Variants in MORN3 observed in about 807,000 individuals in gnomAD.
MORN3 encodes the protein MORN repeat containing 3.
In MORN3, 38 loss-of-function variants were observed where a neutral mutation model predicts 34.7. That is an observed-to-expected ratio of 1.10 (90% CI 0.85 to 1.44). MORN3 has a LOEUF of 1.44. Among genes scored for constraint, MORN3 ranks in the 40% most tolerant of loss-of-function variants. The pLI is 0.00. For missense variants in MORN3, 311 were observed against 321.7 expected (o/e 0.97, Z 0.25); for synonymous variants, 109 against 115.3 (o/e 0.95, Z 0.35).
At chr12:121,660,222 C>A (rs1893536970) in intron 1 of MORN3, among the ~76,000 whole-genome samples, 1 of 151,260 alleles carries the variant, frequency 6.6e-6, no homozygotes, top group Non-Finnish European at 1.5e-5. Context: ...GACGTCATTG[C>A]ACTCCAGCCT....
At chr12:121,655,425 C>G (rs1452026102) in intron 2 of MORN3, among the ~76,000 whole-genome samples, 3 of 151,886 alleles carry the variant, frequency 2.0e-5, no homozygotes, top group African/African-American at 7.3e-5. Flanking sequence ...AAACACCATA[C>G]TTAGCCTGGC....
rs1555325081 is a variant in MORN3, at chr12:121,651,520, T to C, written c.*131A>G. The stretch of plus-strand genomic sequence containing the variant: ...AGAAATGACCCAGTGCTGGGGGTAG[T>C]GAGGGGCCCTATGAGGGTGCCGGGG... On this transcript the variant is annotated 3_prime_UTR_variant, in exon 6 of 6. Transcript: ENST00000355329. 1.3e-5 allele frequency: 2 copies of C among 152,268 alleles called. No homozygotes were observed. Among genetic ancestry groups the C allele is most frequent in the African/African-American group, 4.8e-5 (2 of 41,372 alleles). 9.4% of individuals were successfully genotyped at this position (152,268 alleles called of 1,614,324 possible).
At position 121,649,654 on chromosome 12, in the gene MORN3, G is replaced by GA; in HGVS notation, c.*1996_*1997insT. ...ATTGAGGCTTTACTATGTGCTATGTGCCTCTTGCTGAGGTCTTAGCTAGAA... is the reference window on the plus strand; with the variant it reads ...ATTGAGGCTTTACTATGTGCTATGTGACCTCTTGCTGAGGTCTTAGCTAGAA... On this transcript the variant is annotated 3_prime_UTR_variant, in exon 6 of 6. Transcript: ENST00000355329. The GA allele has an allele frequency of 6.6e-6, 1 of 151,710 alleles. No individual in the cohort carries two copies. The highest frequency in any genetic ancestry group is 1.9e-4 in the East Asian group (1 of 5,168). The allele number at this position is 151,710 out of a possible 1,614,324, so 9.4% of individuals were successfully genotyped here. A position where few individuals can be genotyped will look rare whatever the true frequency, so the allele number is the denominator to read the frequency against.
intron 1 of MORN3, among the ~76,000 whole-genome samples, chr12:121,663,699 G>A (rs555519200): frequency 2.0e-5 from 3 of 152,194 alleles, no homozygotes; most frequent in East Asian, 1.9e-4. Flanking sequence ...TATGTGTACA[G>A]CACTTAGAGC....
intron 2 of MORN3, among the ~76,000 whole-genome samples, chr12:121,658,427 G>C (rs555257822): frequency 6.6e-6 from 1 of 152,004 alleles, no homozygotes; most frequent in African/African-American, 2.4e-5. Flanking sequence ...TTAGCCGGGC[G>C]TGGTGGCGGG....
intron 2 of MORN3, among the ~76,000 whole-genome samples, chr12:121,658,614 A>G (rs1893484200): frequency 2.6e-5 from 4 of 151,468 alleles, no homozygotes; most frequent in Admixed American, 2.6e-4. Context: ...TCAGGCTCAC[A>G]GTAGCAGTTG....
chr12:121,659,161 A>ACACACACC (rs1566482119), intron 2 of MORN3, 30 bp downstream of exon 2: 2 of 1,605,074 alleles, frequency 1.2e-6, no homozygotes, highest in Non-Finnish European at 1.7e-6. Context: ...ACACACACAC[A>ACACACACC]CACACACCCC....
At chr12:121,656,819 C>G (rs1387299853) in intron 2 of MORN3, among the ~76,000 whole-genome samples, 1 of 152,152 alleles carries the variant, frequency 6.6e-6, no homozygotes, top group Non-Finnish European at 1.5e-5. Flanking sequence ...TTGTGCTTAG[C>G]CTTCTGTCCT....
intron 2 of MORN3, among the ~76,000 whole-genome samples, chr12:121,657,906 G>A (rs12299788): frequency 5.3e-4 from 81 of 151,926 alleles, no homozygotes; most frequent in African/African-American, 1.9e-3. Flanking sequence ...ATAAAACTCA[G>A]GTCTCCCACA....
chr12:121,672,374 G>A (rs534266713), upstream of MORN3, among the ~76,000 whole-genome samples: 1 of 152,200 alleles, frequency 6.6e-6, no homozygotes, highest in East Asian at 1.9e-4. Context: ...GTGGGAAGAT[G>A]CCTTGATCCT....
At chr12:121,655,111 G>A (rs895970880) in intron 2 of MORN3, among the ~76,000 whole-genome samples, 1 of 151,780 alleles carries the variant, frequency 6.6e-6, no homozygotes, top group Non-Finnish European at 1.5e-5. Flanking sequence ...ACTTTAGGAG[G>A]CTGAGGTGGG....
At chr12:121,659,563 C>T (rs1223954411) in intron 1 of MORN3, among the ~76,000 whole-genome samples, 1 of 150,762 alleles carries the variant, frequency 6.6e-6, no homozygotes. Flanking sequence ...GAGGCAGTGT[C>T]TCACTCTGTC....
intron 1 of MORN3, among the ~76,000 whole-genome samples, chr12:121,669,027 A>G (rs537593272): frequency 1.3e-5 from 2 of 152,260 alleles, no homozygotes; most frequent in Admixed American, 6.5e-5. Context: ...CAGCCAGCCC[A>G]GTGCTTAACC....
At chr12:121,654,846 C>A (rs2136868365) in intron 2 of MORN3, among the ~76,000 whole-genome samples, 1 of 152,058 alleles carries the variant, frequency 6.6e-6, no homozygotes, top group Admixed American at 6.6e-5. Flanking sequence ...GATCCGCCCG[C>A]CTCAGCCTCC....
intron 1 of MORN3, among the ~76,000 whole-genome samples, chr12:121,664,139 C>T: frequency 6.6e-6 from 1 of 152,158 alleles, no homozygotes; most frequent in East Asian, 1.9e-4. Flanking sequence ...TAAGAAGGAA[C>T]TCAACGCAGA....
At chr12:121,660,075 A>C (rs532488560) in intron 1 of MORN3, among the ~76,000 whole-genome samples, 2 of 151,426 alleles carry the variant, frequency 1.3e-5, no homozygotes, top group Non-Finnish European at 2.9e-5. Flanking sequence ...GTCTACTAAA[A>C]ATACAAAAAT....
At chr12:121,653,745 A>G (rs952035702) in intron 3 of MORN3, among the ~76,000 whole-genome samples, 3 of 151,918 alleles carry the variant, frequency 2.0e-5, no homozygotes, top group Non-Finnish European at 2.9e-5. Flanking sequence ...TGACCTCATG[A>G]TCCGCCCGCC....
intron 1 of MORN3, among the ~76,000 whole-genome samples, chr12:121,667,298 G>C (rs1457499269): frequency 6.6e-6 from 1 of 151,690 alleles, no homozygotes; most frequent in African/African-American, 2.4e-5. Context: ...CTGGCACCCA[G>C]GCTGGAGTGC....
chr12:121,658,104 G>C (rs1490720381), intron 2 of MORN3, among the ~76,000 whole-genome samples: 3 of 152,016 alleles, frequency 2.0e-5, no homozygotes, highest in South Asian at 2.1e-4. Context: ...TGGAATGTTC[G>C]GGGAGACTGA....
Sources: gnomAD v4.1 joint callset for allele counts (sites outside exome capture counted in the v4.1 genomes callset) on GRCh38, gnomAD v4.1.1 for gene constraint, MANE v1.5 for transcripts, NCBI Gene and HGNC (gene_info 2026-07-23, HGNC 2026-07-21) for gene names.